The following CEP43 variants were observed in gnomAD, a reference collection of about 807,000 sequenced individuals.
The protein encoded by CEP43 is FGFR1 oncogene partner.
In CEP43, 36 loss-of-function variants were observed where a neutral mutation model predicts 52.6. That is an observed-to-expected ratio of 0.68 (90% confidence interval 0.52 to 0.90). CEP43 has a LOEUF of 0.90. CEP43 is among the 40% of genes least tolerant of loss of function. The pLI, the probability that CEP43 is intolerant of heterozygous loss-of-function variation, is 0.00. For synonymous variants in CEP43, 192 were observed against 172.4 expected (o/e 1.11, Z -0.89); for missense variants, 506 against 472.8 (o/e 1.07, Z -0.65).
At chr6:167,003,426 G>A in intron 3 of CEP43, 179 bp downstream of exon 3, 1 of 504,148 alleles carries the variant, frequency 2.0e-6, no homozygotes, top group Non-Finnish European at 3.5e-6. Context: ...TTGGATTTGG[G>A]ATGTTGTTGC....
chr6:167,007,692 G>A (rs1779886662), intron 5 of CEP43, among the ~76,000 whole-genome samples: 1 of 152,152 alleles, frequency 6.6e-6, no homozygotes, highest in Admixed American at 6.6e-5. Context: ...ACTAGCTATA[G>A]GTTAAGCTCA....
At chr6:167,037,486 T>C (rs16899817) in intron 12 of CEP43, among the ~76,000 whole-genome samples, 3,816 of 152,344 alleles carry the variant, frequency 0.025, 170 homozygotes, top group African/African-American at 0.088. Context: ...TTCTGACTTT[T>C]CAGTTTTTGT....
chr6:167,007,063 C>T lies in CEP43; in HGVS notation c.438+2662C>T, dbSNP rs572813348. 2.0e-5 allele frequency among the ~76,000 whole-genome samples: 3 copies of T among 152,296 alleles called. No individual in the cohort carries two copies. In the South Asian group the frequency reaches 6.2e-4, roughly 32 times the overall value. ...TTCCTGTGACTCCTTGGTTTCATCCCAAGGAGCCACCTCTTCACATGTGCT... is the reference window on the plus strand; with the variant it reads ...TTCCTGTGACTCCTTGGTTTCATCCTAAGGAGCCACCTCTTCACATGTGCT... On this transcript the variant is annotated intron_variant, in intron 5 of 12. Coordinates refer to ENST00000366847, the MANE Select transcript of CEP43 (RefSeq NM_007045.4).
chr6:167,036,382 A>G, intron 12 of CEP43: 2 of 985,380 alleles, frequency 2.0e-6, no homozygotes, highest in South Asian at 9.4e-5. Flanking sequence ...TTAGAAGGTG[A>G]CTTTGAACCA....
intron 2 of CEP43, among the ~76,000 whole-genome samples, chr6:167,000,717 T>C (rs998984019): frequency 1.3e-5 from 2 of 152,254 alleles, no homozygotes; most frequent in Non-Finnish European, 2.9e-5. Flanking sequence ...CCTGTATACC[T>C]AATCTCTAAT....
chr6:167,014,189 A>T (rs947412000), intron 7 of CEP43, among the ~76,000 whole-genome samples: 1 of 152,228 alleles, frequency 6.6e-6, no homozygotes, highest in East Asian at 1.9e-4. Context: ...ATTTGAGGAA[A>T]ATAGAACATC....
chr6:167,034,038 G>A (rs1167927214), intron 12 of CEP43, 67 bp downstream of exon 12: 15 of 679,762 alleles, frequency 2.2e-5, no homozygotes, highest in Non-Finnish European at 3.4e-5. Flanking sequence ...TTACTGTAAA[G>A]CTTCAAAATT....
chr6:167,036,099 A>G, intron 12 of CEP43: 1 of 985,374 alleles, frequency 1.0e-6, no homozygotes, highest in Non-Finnish European at 1.2e-6. Flanking sequence ...GAGAAAAGCC[A>G]TGTACACAAA....
intron 8 of CEP43, among the ~76,000 whole-genome samples, chr6:167,023,052 G>A (rs1233547547): frequency 6.6e-6 from 1 of 152,182 alleles, no homozygotes; most frequent in Non-Finnish European, 1.5e-5. Context: ...TGTCCAAATT[G>A]GAGGGGGCCT....
At position 167,040,683 on chromosome 6, in the gene CEP43, T is replaced by C. The variant is rs2128669276; in HGVS notation, c.*705T>C. On this transcript the variant is annotated 3_prime_UTR_variant, in exon 13 of 13. Coordinates refer to ENST00000366847, the MANE Select transcript of CEP43 (RefSeq NM_007045.4). Reference sequence around the variant, plus strand: ...CAATCGTCATTCCTCCTGTTATCCATGTAAGCAGCTTTAGTCGTAGGTTCT... The same window carrying C: ...CAATCGTCATTCCTCCTGTTATCCACGTAAGCAGCTTTAGTCGTAGGTTCT... 7 of 1,022,578 alleles carry C rather than the reference T, an allele frequency of 6.8e-6. No individual in the cohort carries two copies. The highest frequency in any genetic ancestry group is 6.3e-5 in the East Asian group (1 of 15,774). The allele number at this position is 1,022,578 out of a possible 1,614,324, so 63.3% of individuals were successfully genotyped here.
rs779970898 is a variant in CEP43, at chr6:167,043,817, G to A, written c.*3839G>A. 8 of 152,154 alleles carry A rather than the reference G, an allele frequency of 5.3e-5. No individual in the cohort carries two copies. Among genetic ancestry groups the A allele is most frequent in the Non-Finnish European group, 1.0e-4 (7 of 68,034 alleles). 9.4% of individuals were successfully genotyped at this position (152,154 alleles called of 1,614,324 possible). On this transcript the variant is annotated 3_prime_UTR_variant, in exon 13 of 13. Coordinates refer to ENST00000366847, the MANE Select transcript of CEP43 (RefSeq NM_007045.4). ...TGACATTTAAGGAAAGTGAATGTAT[G>A]TCATGAAAGACAGATGAACAAAGAA...
Position 167,022,289 on chromosome 6 carries a change from C to CACACACACAT in CEP43, c.580-113_580-112insCATACACACA, listed in dbSNP as rs962565166. 6 of 664,546 alleles carry CACACACACAT rather than the reference C, an allele frequency of 9.0e-6. No individual in the cohort carries two copies. The African/African-American group carries it at 1.2e-4, about 13-fold the overall frequency. The allele number at this position is 664,546 out of a possible 1,614,324, so 41.2% of individuals were successfully genotyped here. A position where few individuals can be genotyped will look rare whatever the true frequency, so the allele number is the denominator to read the frequency against. ...ACACACACACACACACACACACACA[C>CACACACACAT]ACACACAAAGGTTGCACACACACAG... is the stretch of plus-strand genomic sequence containing the variant. On this transcript the variant is annotated intron_variant, in intron 7 of 12. Coordinates refer to ENST00000366847, the MANE Select transcript of CEP43 (RefSeq NM_007045.4).
rs376642742 is a variant in CEP43, at chr6:167,014,527, G to T, written c.579+960G>T. On this transcript the variant is annotated intron_variant, in intron 7 of 12. Transcript: ENST00000366847. ...GACAAAATATTTAATTTTCAGTTCT[G>T]TGAGATTCATTAGTCCTATGCTGAA... Among the ~76,000 whole-genome samples, 8 of 152,316 alleles carry T rather than the reference G, an allele frequency of 5.3e-5. No homozygotes were observed. In the East Asian group the frequency reaches 1.5e-3, roughly 29 times the overall value.
At chr6:167,010,680 A>G (rs1779964614) in intron 5 of CEP43, 133 bp from the exon 6 acceptor site, 1 of 470,654 alleles carries the variant, frequency 2.1e-6, no homozygotes. Flanking sequence ...TCTAAAAAGG[A>G]TGGTTACTTT....
intron 5 of CEP43, among the ~76,000 whole-genome samples, chr6:167,005,829 A>C (rs780061080): frequency 6.6e-6 from 1 of 152,154 alleles, no homozygotes; most frequent in Non-Finnish European, 1.5e-5. Context: ...TGTGGCCCTG[A>C]AGAACTCTCT....
chr6:167,017,476 G>C (rs1385620472), intron 7 of CEP43, among the ~76,000 whole-genome samples: 1 of 152,080 alleles, frequency 6.6e-6, no homozygotes, highest in Non-Finnish European at 1.5e-5. Flanking sequence ...GTGTCTGCAG[G>C]TGTCCTGGGT....
At chr6:167,024,951 A>C in intron 9 of CEP43, 57 bp downstream of exon 9, 1 of 933,492 alleles carries the variant, frequency 1.1e-6, no homozygotes, top group Non-Finnish European at 1.7e-6. Flanking sequence ...CTAATTAAAT[A>C]CTATGTGATT....
At chr6:167,018,399 A>G (rs932697491) in intron 7 of CEP43, among the ~76,000 whole-genome samples, 10 of 150,692 alleles carry the variant, frequency 6.6e-5, no homozygotes, top group African/African-American at 2.4e-4. Context: ...GTGTGTGTGT[A>G]TTTTTTTTTG....
In CEP43 at chr6:167,003,725, C is replaced by T. The variant is rs200312790; in HGVS notation, c.214C>T (p.Arg72Cys). 7.5e-6 allele frequency: 12 copies of T among 1,603,846 alleles called. No individual in the cohort carries two copies. The East Asian group carries it at 1.6e-4, about 21-fold the overall frequency. Residue 72 changes from arginine (R) to cysteine (C), a missense_variant and splice_region_variant, in exon 4 of 13, where the codon CGT becomes TGT. By Grantham distance (180) the Arg-to-Cys change is radical (BLOSUM62 -3). Coordinates refer to ENST00000366847, the MANE Select transcript of CEP43 (RefSeq NM_007045.4). Reference sequence around the variant, plus strand: ...TACCTTTTTCTTGATCTTTATAGGTCGTTTAGTGGCTAGTCTTGTTGCAGA... The same window carrying T: ...TACCTTTTTCTTGATCTTTATAGGTTGTTTAGTGGCTAGTCTTGTTGCAGA... ...LKKFLNTKDG[R>C]LVASLVAEFL...
Sources: allele counts gnomAD v4.1 joint callset (sites outside exome capture counted in the v4.1 genomes callset), GRCh38; gene constraint gnomAD v4.1.1; transcripts MANE v1.5; gene names NCBI Gene and HGNC (gene_info 2026-07-23, HGNC 2026-07-21).